Variants in ZNF362 observed in about 807,000 individuals in gnomAD.
The protein encoded by ZNF362 is zinc finger protein 362.
ZNF362 carries 11 observed loss-of-function variants against 42.9 expected under a neutral mutation model. The observed-to-expected ratio is 0.26, with a 90% CI of 0.16 to 0.42. ZNF362 has a LOEUF of 0.42. ZNF362 is among the 20% of genes least tolerant of loss of function. The pLI, the probability that ZNF362 is intolerant of heterozygous loss-of-function variation, is 1.00. For synonymous variants in ZNF362, 255 were observed against 257.3 expected, an observed-to-expected ratio of 0.99 and a Z score of 0.09; for missense variants, 362 against 576.2, an observed-to-expected ratio of 0.63 and a Z score of 3.81.
chr1:33,127,913 A>AC, the ZNF362 span, among the ~76,000 whole-genome samples: 1 of 152,078 alleles, frequency 6.6e-6, no homozygotes, highest in South Asian at 2.1e-4. Flanking sequence ...CGTCTTAATG[A>AC]CAAGGACTCC....
the ZNF362 span, among the ~76,000 whole-genome samples, chr1:33,141,402 C>T: frequency 2.0e-5 from 3 of 152,236 alleles, no homozygotes; most frequent in Non-Finnish European, 2.9e-5. Flanking sequence ...GAGTACTCAT[C>T]TCAGCTCCAC....
chr1:33,297,511 C>CTTTTTTTTTTTTTTTTTTT (rs776504622), intron 8 of ZNF362, among the ~76,000 whole-genome samples: 1 of 78,908 alleles, frequency 1.3e-5, no homozygotes, highest in Non-Finnish European at 2.3e-5. Flanking sequence ...TACATGATTC[C>CTTTTTTTTTTTTTTTTTTT]TCTTTTTTTT....
chr1:33,182,356 A>C, the ZNF362 span, among the ~76,000 whole-genome samples: 1 of 152,268 alleles, frequency 6.6e-6, no homozygotes, highest in African/African-American at 2.4e-5. Context: ...AGAAAAAATC[A>C]TATTTTGTAT....
At chr1:33,211,368 C>T in the ZNF362 span, among the ~76,000 whole-genome samples, 1 of 152,134 alleles carries the variant, frequency 6.6e-6, no homozygotes, top group Non-Finnish European at 1.5e-5. Context: ...TTTGCAGTGG[C>T]TGGTACCGTT....
chr1:33,277,067 C>A (rs1645956386), intron 4 of ZNF362, among the ~76,000 whole-genome samples: 2 of 152,234 alleles, frequency 1.3e-5, no homozygotes, highest in Non-Finnish European at 2.9e-5. Flanking sequence ...GTAGGACAGA[C>A]CGTCTGGGGT....
At chr1:33,295,686 C>T (rs768040144) in intron 8 of ZNF362, among the ~76,000 whole-genome samples, 1 of 152,178 alleles carries the variant, frequency 6.6e-6, no homozygotes. Context: ...TGACATGGCC[C>T]ATAGCCACCC....
At chr1:33,137,870 C>T in the ZNF362 span, among the ~76,000 whole-genome samples, 2 of 152,300 alleles carry the variant, frequency 1.3e-5, no homozygotes, top group Admixed American at 1.3e-4. Flanking sequence ...GCTTCCCTTG[C>T]CTCACAGTCA....
At chr1:33,151,179 T>C in the ZNF362 span, among the ~76,000 whole-genome samples, 19 of 152,070 alleles carry the variant, frequency 1.2e-4, no homozygotes, top group Admixed American at 1.3e-4. Flanking sequence ...AAGATAAGCC[T>C]GCAGATTGGA....
chr1:33,161,205 G>A, the ZNF362 span, among the ~76,000 whole-genome samples: 2 of 152,228 alleles, frequency 1.3e-5, no homozygotes, highest in African/African-American at 4.8e-5. The surrounding 1 kb of genome is among the most constrained non-coding windows in gnomAD (Gnocchi z 4.3). Context: ...TCTAATAAGC[G>A]TTTCCCGGAA....
At chr1:33,149,012 C>T in the ZNF362 span, among the ~76,000 whole-genome samples, 1 of 152,208 alleles carries the variant, frequency 6.6e-6, no homozygotes, top group Non-Finnish European at 1.5e-5. Flanking sequence ...TCTGCTTACA[C>T]GGTTCCCTCC....
intron 8 of ZNF362, among the ~76,000 whole-genome samples, chr1:33,297,995 C>T (rs1479922710): frequency 3.3e-5 from 5 of 152,234 alleles, no homozygotes; most frequent in South Asian, 4.2e-4. Flanking sequence ...AGCATGTTGC[C>T]GCCACATTTG....
chr1:33,255,911 G>T (rs1218374025), upstream of ZNF362, among the ~76,000 whole-genome samples: 1 of 151,920 alleles, frequency 6.6e-6, no homozygotes, highest in Non-Finnish European at 1.5e-5. Flanking sequence ...CCTGGTCAGG[G>T]CCGTGGCCCG....
At chr1:33,168,697 C>G in the ZNF362 span, among the ~76,000 whole-genome samples, 2 of 152,238 alleles carry the variant, frequency 1.3e-5, no homozygotes, top group African/African-American at 4.8e-5. Context: ...GTCCTCGGAG[C>G]AGAGGAATCT....
chr1:33,192,269 C>T, the ZNF362 span, among the ~76,000 whole-genome samples: 1 of 152,206 alleles, frequency 6.6e-6, no homozygotes, highest in Non-Finnish European at 1.5e-5. Context: ...GTTAGAGAGA[C>T]TTCATAAATG....
At chr1:33,246,732 A>C in the ZNF362 span, among the ~76,000 whole-genome samples, 1 of 152,182 alleles carries the variant, frequency 6.6e-6, no homozygotes, top group Admixed American at 6.5e-5. Flanking sequence ...TTAGTGGATG[A>C]CTATTATGTT....
the ZNF362 span, among the ~76,000 whole-genome samples, chr1:33,224,089 T>G: frequency 6.6e-6 from 1 of 152,014 alleles, no homozygotes; most frequent in African/African-American, 2.4e-5. Flanking sequence ...AATCAAAATT[T>G]ACTGAACATG....
chr1:33,159,606 C>T, the ZNF362 span: 1 of 1,494,940 alleles, frequency 6.7e-7, no homozygotes, highest in Non-Finnish European at 8.9e-7. This position sits in a 1 kb window ranked among gnomAD's most constrained non-coding sequence, Gnocchi z 4.2. Context: ...GCTAAGGATC[C>T]CATCTGCCTC....
intron 1 of ZNF362, among the ~76,000 whole-genome samples, chr1:33,262,297 C>CTTTTTT (rs55730909): frequency 1.5e-4 from 7 of 48,144 alleles, no homozygotes; most frequent in Non-Finnish European, 1.8e-4. Flanking sequence ...CTTTAGGATT[C>CTTTTTT]TTTTTTTTTT....
chr1:33,285,428 A>T (rs1284424898), intron 6 of ZNF362, among the ~76,000 whole-genome samples: 1 of 151,938 alleles, frequency 6.6e-6, no homozygotes, highest in East Asian at 1.9e-4. Flanking sequence ...ACAACAAAAA[A>T]ATGTTATTGG....
Sources: gnomAD v4.1 joint callset for allele counts (sites outside exome capture counted in the v4.1 genomes callset) on GRCh38, gnomAD v4.1.1 for gene constraint, Gnocchi (gnomAD v3.1) non-coding constraint, MANE v1.5 for transcripts, NCBI Gene and HGNC (gene_info 2026-07-23, HGNC 2026-07-21) for gene names.